The following MYO18B variants were observed in gnomAD, a reference collection of about 807,000 sequenced individuals.
MYO18B encodes the protein myosin XVIIIB.
Under a neutral mutation model 273.0 loss-of-function variants are expected in MYO18B, and 204 were observed. The observed-to-expected ratio is 0.75, with a 90% CI of 0.67 to 0.84. MYO18B has a LOEUF of 0.84. Among genes scored for constraint, MYO18B ranks in the 40% least tolerant of loss-of-function variants. MYO18B has a pLI of 0.00. For missense variants in MYO18B, 3,212 were observed against 3,287.6 expected, an observed-to-expected ratio of 0.98 and a Z score of 0.56; for synonymous variants, 1,330 against 1,305.7, an observed-to-expected ratio of 1.02 and a Z score of -0.40.
Position 25,876,203 on chromosome 22 carries a change from T to C in MYO18B, c.4095T>C (p.Ala1365=). The C allele has an allele frequency of 6.2e-7, 1 of 1,612,616 alleles. No homozygotes were observed. Among genetic ancestry groups the C allele is most frequent in the Non-Finnish European group, 8.5e-7 (1 of 1,179,316 alleles). ...CTTCCCTGCAGATTCGCCGACTGGC[T>C]GCACAGTGCATCCAGAAGAATGTGG... is the stretch of plus-strand genomic sequence containing the variant. ...EFKKLKIRRL[A]AQCIQKNVAV... The change falls in exon 24 of 44, where the codon GCT becomes GCC. Residue 1365 remains alanine (A), a synonymous_variant. Coordinates refer to ENST00000335473, the MANE Select transcript of MYO18B (RefSeq NM_032608.7).
chr22:26,021,472 A>C (rs1350294629), intron 42 of MYO18B, among the ~76,000 whole-genome samples: 1 of 152,170 alleles, frequency 6.6e-6, no homozygotes, highest in East Asian at 1.9e-4. Context: ...GAGCACCTAC[A>C]ATGTGTTAGG....
intron 12 of MYO18B, among the ~76,000 whole-genome samples, chr22:25,822,197 A>G (rs5761256): frequency 0.34 from 51,257 of 152,018 alleles, 9,265 homozygotes; most frequent in African/African-American, 0.47. Flanking sequence ...GCTCATTTCT[A>G]CCCCAGGGCC....
At chr22:25,944,949 C>T (rs2092687742) in intron 34 of MYO18B, among the ~76,000 whole-genome samples, 3 of 151,480 alleles carry the variant, frequency 2.0e-5, no homozygotes, top group East Asian at 1.9e-4. Flanking sequence ...TCCAGTGGGG[C>T]GTGTCTGTCA....
At chr22:25,874,150 C>T in intron 22 of MYO18B, 136 bp from the exon 23 acceptor site, 1 of 1,011,762 alleles carries the variant, frequency 9.9e-7, no homozygotes, top group Non-Finnish European at 1.5e-6. Context: ...GACTCCCCCA[C>T]CTCCCACTTA....
intron 39 of MYO18B, among the ~76,000 whole-genome samples, chr22:25,960,691 A>G (rs2092908558): frequency 6.6e-6 from 1 of 151,854 alleles, no homozygotes; most frequent in Non-Finnish European, 1.5e-5. Context: ...ACCCCTCCTG[A>G]CCCATTTTTG....
chr22:25,827,594 G>A (rs2089541702), intron 14 of MYO18B, among the ~76,000 whole-genome samples: 1 of 152,230 alleles, frequency 6.6e-6, no homozygotes, highest in South Asian at 2.1e-4. Context: ...CTGTTAAAGG[G>A]ATGAGGCTGG....
At chr22:25,910,697 G>A (rs2092138473) in intron 32 of MYO18B, among the ~76,000 whole-genome samples, 1 of 152,166 alleles carries the variant, frequency 6.6e-6, no homozygotes, top group Non-Finnish European at 1.5e-5. Flanking sequence ...GGACCTGGGG[G>A]AGGGGGTTTC....
intron 34 of MYO18B, among the ~76,000 whole-genome samples, chr22:25,922,008 G>A (rs1296614962): frequency 1.3e-5 from 2 of 152,164 alleles, no homozygotes; most frequent in Non-Finnish European, 2.9e-5. Context: ...GCATGATGTT[G>A]ACCACTGGCT....
chr22:25,838,598 T>A (rs917429049), intron 17 of MYO18B, among the ~76,000 whole-genome samples: 4 of 152,212 alleles, frequency 2.6e-5, no homozygotes, highest in Admixed American at 6.5e-5. Context: ...GATACACGAG[T>A]ACTTACCATT....
chr22:25,744,988 GC>G (rs1461012989), intron 1 of MYO18B, among the ~76,000 whole-genome samples: 4 of 152,126 alleles, frequency 2.6e-5, no homozygotes, highest in African/African-American at 9.7e-5. Context: ...GCAACCACGA[GC>G]CCCTTATGTT....
intron 12 of MYO18B, among the ~76,000 whole-genome samples, chr22:25,821,499 C>T (rs1043190977): frequency 5.2e-4 from 79 of 151,996 alleles, no homozygotes; most frequent in African/African-American, 1.6e-3. Flanking sequence ...ATTTATTGGC[C>T]GGGAGTGGGG....
At chr22:25,848,891 G>A (rs2090337566) in intron 20 of MYO18B, among the ~76,000 whole-genome samples, 1 of 152,178 alleles carries the variant, frequency 6.6e-6, no homozygotes, top group African/African-American at 2.4e-5. Flanking sequence ...GTGCCCTAGT[G>A]TATGGTCGCT....
At position 25,792,497 on chromosome 22, in the gene MYO18B, C is replaced by CTTTTTTTTTTTTTTTTTTTTT. The variant is rs58679561; in HGVS notation, c.2377-5440_2377-5439insTTTTTTTTTTTTTTTTTTTTT. 8.1e-3 allele frequency among the ~76,000 whole-genome samples: 871 copies of CTTTTTTTTTTTTTTTTTTTTT among 107,792 alleles called. 18 individuals carry two copies. Among genetic ancestry groups the CTTTTTTTTTTTTTTTTTTTTT allele is most frequent in the Non-Finnish European group, 0.011 (630 of 58,176 alleles). 70.7% of individuals were successfully genotyped at this position (107,792 alleles called of 152,430 possible). A position where few individuals can be genotyped will look rare whatever the true frequency, so the allele number is the denominator to read the frequency against. ...GTGATGTTTCTTTTTTTTTTCTTTT[C>CTTTTTTTTTTTTTTTTTTTTT]TTTTTTTTTTTTTTTTGAGACAGAG... On this transcript the variant is annotated intron_variant, in intron 11 of 43. Coordinates refer to ENST00000335473, the MANE Select transcript of MYO18B (RefSeq NM_032608.7).
In MYO18B at chr22:25,832,879, G is replaced by C. The variant is rs368422870; in HGVS notation, c.2980-38G>C. ...AGAAGTTTTCTTCCCCCTTCAGCTC[G>C]CTAAAAGTGCTAACTTTTAAATCCT... On this transcript the variant is annotated intron_variant, in intron 15 of 43. Transcript: ENST00000335473. 2.6e-6 allele frequency: 4 copies of C among 1,559,332 alleles called. No homozygotes were observed. In the African/African-American group the frequency reaches 5.4e-5, roughly 21 times the overall value.
chr22:25,920,347 A>G (rs1213543436), intron 33 of MYO18B, among the ~76,000 whole-genome samples: 3 of 152,206 alleles, frequency 2.0e-5, no homozygotes, highest in Admixed American at 6.5e-5. Flanking sequence ...TTAAGTCAGC[A>G]CTATTTCTAG....
Position 25,797,937 on chromosome 22 carries a change from C to T in MYO18B, c.2377-16C>T. 6.2e-7 allele frequency: 1 copy of T among 1,614,028 alleles called. No homozygotes were observed. The highest frequency in any genetic ancestry group is 8.5e-7 in the Non-Finnish European group (1 of 1,179,904). Reference sequence around the variant, plus strand: ...CGCGATGGCCTTGTTTTCTTCCTCTCTCCCTTTGCCCGCAGCCTGAAGATA... The same window carrying T: ...CGCGATGGCCTTGTTTTCTTCCTCTTTCCCTTTGCCCGCAGCCTGAAGATA... On this transcript the variant is annotated splice_polypyrimidine_tract_variant and intron_variant, in intron 11 of 43. Coordinates refer to ENST00000335473, the MANE Select transcript of MYO18B (RefSeq NM_032608.7).
chr22:25,878,148 G>T (rs1207903773), intron 25 of MYO18B, 100 bp downstream of exon 25: 1 of 932,316 alleles, frequency 1.1e-6, no homozygotes, highest in Non-Finnish European at 1.6e-6. Flanking sequence ...CATGCTAATT[G>T]CTTTACAAGC....
intron 10 of MYO18B, among the ~76,000 whole-genome samples, chr22:25,784,015 C>T (rs907486618): frequency 2.0e-5 from 3 of 152,242 alleles, no homozygotes; most frequent in East Asian, 1.9e-4. Context: ...CTCCCATGCA[C>T]TCATGTGGGA....
At chr22:25,963,384 G>GGA (rs1198472505) in intron 39 of MYO18B, among the ~76,000 whole-genome samples, 5 of 151,532 alleles carry the variant, frequency 3.3e-5, no homozygotes, top group Non-Finnish European at 7.4e-5. Flanking sequence ...AGGCTCTAGG[G>GGA]GAGAATCCTT....
Sources: gnomAD v4.1 joint callset for allele counts (sites outside exome capture counted in the v4.1 genomes callset) on GRCh38, gnomAD v4.1.1 for gene constraint, MANE v1.5 for transcripts, NCBI Gene and HGNC (gene_info 2026-07-23, HGNC 2026-07-21) for gene names.